GALNT8: variants seen among roughly 807,000 people sequenced by gnomAD.
The protein encoded by GALNT8 is probable polypeptide N-acetylgalactosaminyltransferase 8.
Under a neutral mutation model 62.7 loss-of-function variants are expected in GALNT8, and 66 were observed. The ratio of observed to expected loss-of-function variants is 1.05; its 90% CI spans 0.86 to 1.29. The LOEUF is 1.29. Among genes scored for constraint, GALNT8 ranks in the 50% most tolerant of loss-of-function variants. The pLI, the probability that GALNT8 is intolerant of heterozygous loss-of-function variation, is 0.00. For synonymous variants in GALNT8, 288 were observed against 294.3 expected, an observed-to-expected ratio of 0.98 and a Z score of 0.22; for missense variants, 771 against 791.8, an observed-to-expected ratio of 0.97 and a Z score of 0.32.
At chr12:4,723,125 A>T (rs1315445171) in intron 1 of GALNT8, among the ~76,000 whole-genome samples, 2 of 152,234 alleles carry the variant, frequency 1.3e-5, no homozygotes, top group Non-Finnish European at 2.9e-5. Flanking sequence ...AGCAAGTTTC[A>T]TAAGTGCTGT....
At chr12:4,757,600 C>G (rs1297652953) in intron 6 of GALNT8, among the ~76,000 whole-genome samples, 1 of 152,154 alleles carries the variant, frequency 6.6e-6, no homozygotes, top group African/African-American at 2.4e-5. Flanking sequence ...CAAGCTCTTT[C>G]TTTTTAAGAG....
chr12:4,745,718 G>A, intron 5 of GALNT8, 92 bp downstream of exon 5: 1 of 932,584 alleles, frequency 1.1e-6, no homozygotes, highest in Admixed American at 1.9e-5. Context: ...GGTAGTAATT[G>A]GGGTGACGTG....
At chr12:4,756,691 A>G (rs1167809425) in intron 6 of GALNT8, among the ~76,000 whole-genome samples, 6 of 152,114 alleles carry the variant, frequency 3.9e-5, no homozygotes, top group African/African-American at 1.4e-4. Flanking sequence ...ACTGTCTTTA[A>G]TTTCTTTCTA....
intron 6 of GALNT8, among the ~76,000 whole-genome samples, chr12:4,746,639 G>C (rs1479105437): frequency 6.6e-6 from 1 of 152,218 alleles, no homozygotes; most frequent in East Asian, 1.9e-4. Flanking sequence ...AGGGAATGCA[G>C]ACGTGTGGGC....
chr12:4,748,494 G>A (rs7296148), intron 6 of GALNT8, among the ~76,000 whole-genome samples: 76,981 of 151,942 alleles, frequency 0.51, 20,223 homozygotes, highest in Non-Finnish European at 0.59. Flanking sequence ...TCCCCAGTGT[G>A]TGTTTTTGGC....
At chr12:4,721,036 C>T in intron 1 of GALNT8, 148 bp downstream of exon 1, 1 of 629,050 alleles carries the variant, frequency 1.6e-6, no homozygotes, top group Admixed American at 2.6e-5. Context: ...GAATTCTGTG[C>T]CTTCAAATGG....
At chr12:4,720,909 T>C (rs778492782) in intron 1 of GALNT8, 21 bp downstream of exon 1, 3 of 1,438,260 alleles carry the variant, frequency 2.1e-6, no homozygotes, top group Non-Finnish European at 2.9e-6. Context: ...AATGCTAACC[T>C]GGAAGGTGTG....
At chr12:4,724,831 C>T (rs1201633163) in intron 1 of GALNT8, among the ~76,000 whole-genome samples, 5 of 152,180 alleles carry the variant, frequency 3.3e-5, no homozygotes, top group Admixed American at 2.6e-4. Flanking sequence ...ATGTTCTCCT[C>T]CCAGTCACAG....
intron 2 of GALNT8, among the ~76,000 whole-genome samples, chr12:4,733,715 T>C (rs1565382948): frequency 6.6e-6 from 1 of 152,386 alleles, no homozygotes; most frequent in East Asian, 1.9e-4. Context: ...GCTTTAAATA[T>C]TCATCATCCT....
chr12:4,769,712 T>G (rs1054544438), intron 10 of GALNT8, among the ~76,000 whole-genome samples: 9 of 151,482 alleles, frequency 5.9e-5, no homozygotes, highest in African/African-American at 1.9e-4. Context: ...ATATAAAATA[T>G]TTTAAAATAT....
chr12:4,763,198 T>C, intron 7 of GALNT8, 55 bp from the exon 8 acceptor site: 1 of 1,527,064 alleles, frequency 6.5e-7, no homozygotes, highest in Non-Finnish European at 9.1e-7. Context: ...TTTAGTTCGC[T>C]TTAACAGAGC....
chr12:4,764,530 ATTTTTTTTTTTTTTT>A lies in GALNT8; in HGVS notation c.1593+500_1593+514del, dbSNP rs58809573. On this transcript the variant is annotated intron_variant, in intron 9 of 10. Coordinates refer to ENST00000252318, the MANE Select transcript of GALNT8 (RefSeq NM_017417.2). ...ACCATGTGGAAGGTGCAGTCAGGGG[ATTTTTTTTTTTTTTT>A]TTTTTTTTTTTTTTTTGAGACAGAG... 1.7e-3 allele frequency among the ~76,000 whole-genome samples: 174 copies of A among 102,234 alleles called. 18 individuals are homozygous for A. The highest frequency in any genetic ancestry group is 2.9e-3 in the Admixed American group (29 of 9,958). The allele number at this position is 102,234 out of a possible 152,430, so 67.1% of individuals were successfully genotyped here.
In GALNT8 at chr12:4,720,658, G is replaced by A; in HGVS notation, c.-20G>A. ...TGACACACTCAGTCCCACAGGGAGT[G>A]GACGACCCCCAGGAAGAAGATGATG... On this transcript the variant is annotated 5_prime_UTR_variant, in exon 1 of 11. Transcript: ENST00000252318. 6.6e-7 allele frequency: 1 copy of A among 1,525,400 alleles called. No individual in the cohort carries two copies. Among genetic ancestry groups the A allele is most frequent in the African/African-American group, 1.4e-5 (1 of 73,284 alleles). 94.5% of individuals were successfully genotyped at this position (1,525,400 alleles called of 1,614,324 possible). A position where few individuals can be genotyped will look rare whatever the true frequency, so the allele number is the denominator to read the frequency against.
chr12:4,765,573 T>C (rs764768666), intron 10 of GALNT8, 27 bp downstream of exon 10: 1 of 1,551,372 alleles, frequency 6.4e-7, no homozygotes, highest in South Asian at 1.2e-5. Flanking sequence ...TGTTTGTTGG[T>C]TTGTTTGTTT....
chr12:4,748,226 G>A (rs1946308777), intron 6 of GALNT8, among the ~76,000 whole-genome samples: 1 of 152,052 alleles, frequency 6.6e-6, no homozygotes, highest in Non-Finnish European at 1.5e-5. Flanking sequence ...TTAACTTGAT[G>A]TTATTCCATT....
At chr12:4,731,726 A>T (rs890955619) in intron 2 of GALNT8, among the ~76,000 whole-genome samples, 1 of 152,170 alleles carries the variant, frequency 6.6e-6, no homozygotes, top group African/African-American at 2.4e-5. Context: ...GATTTTTCGC[A>T]TCTATTGAGA....
intron 2 of GALNT8, among the ~76,000 whole-genome samples, chr12:4,728,187 G>T (rs1164891170): frequency 2.1e-5 from 3 of 143,560 alleles, no homozygotes; most frequent in African/African-American, 7.8e-5. Flanking sequence ...TCTATTTGGA[G>T]ACGTTCTTTT....
intron 1 of GALNT8, among the ~76,000 whole-genome samples, chr12:4,723,704 T>C (rs1204291853): frequency 6.6e-6 from 1 of 151,924 alleles, no homozygotes; most frequent in Admixed American, 6.6e-5. Context: ...ACCACCTGAG[T>C]TGAACCTCAA....
chr12:4,734,295 C>T (rs1440964177), intron 2 of GALNT8, among the ~76,000 whole-genome samples: 2 of 152,164 alleles, frequency 1.3e-5, no homozygotes, highest in Non-Finnish European at 2.9e-5. Context: ...AGACTCTGCT[C>T]CTACTCTTAC....
Sources: gnomAD v4.1 joint callset for allele counts (sites outside exome capture counted in the v4.1 genomes callset) on GRCh38, gnomAD v4.1.1 for gene constraint, MANE v1.5 for transcripts, NCBI Gene and HGNC (gene_info 2026-07-23, HGNC 2026-07-21) for gene names.